NRXN3: variants seen among roughly 807,000 people sequenced by gnomAD.
NRXN3 encodes the protein neurexin III.
Under a neutral mutation model 137.6 loss-of-function variants are expected in NRXN3, and 32 were observed. The ratio of observed to expected loss-of-function variants is 0.23; its 90% CI spans 0.18 to 0.31. The LOEUF is 0.31. Ranked by LOEUF, NRXN3 falls within the 10% of genes least tolerant of loss-of-function variation. The probability of loss-of-function intolerance (pLI) is 1.00; values close to 1 mark genes in which losing one functional copy is unlikely to be tolerated. For missense variants in NRXN3, 1,574 were observed against 2,062.5 expected (o/e 0.76, Z 4.59); for synonymous variants, 798 against 784.5 (o/e 1.02, Z -0.29).
At chr14:79,183,176 T>C (rs1378390624) in intron 15 of NRXN3, among the ~76,000 whole-genome samples, 3 of 152,226 alleles carry the variant, frequency 2.0e-5, no homozygotes, top group Non-Finnish European at 4.4e-5. Context: ...AACTTTAAAA[T>C]ACATATATTT....
chr14:78,545,245 GTTTCTGA>G (rs1320756283), intron 4 of NRXN3, among the ~76,000 whole-genome samples: 1 of 152,162 alleles, frequency 6.6e-6, no homozygotes, highest in Non-Finnish European at 1.5e-5. Flanking sequence ...TAGGAAGGTG[GTTTCTGA>G]GGGCAAGACC....
At chr14:78,876,794 G>C (rs1045639570) in intron 10 of NRXN3, among the ~76,000 whole-genome samples, 3 of 152,052 alleles carry the variant, frequency 2.0e-5, no homozygotes, top group African/African-American at 7.2e-5. Flanking sequence ...GTTGTTGTGA[G>C]GATTAAATAA....
chr14:78,938,510 G>T lies in NRXN3; in HGVS notation c.2276-18732G>T, dbSNP rs139593546. Among the ~76,000 whole-genome samples the T allele has an allele frequency of 2.4e-3, 362 of 152,284 alleles. 1 individual carries two copies. Among genetic ancestry groups the T allele is most frequent in the African/African-American group, 8.3e-3 (345 of 41,566 alleles). ...TCTGCAAACTCTCCTGACACCATCAGTGCACCAGGAAGGTTGGATAATCCT... is the reference window on the plus strand; with the variant it reads ...TCTGCAAACTCTCCTGACACCATCATTGCACCAGGAAGGTTGGATAATCCT... On this transcript the variant is annotated intron_variant, in intron 10 of 20. Transcript: ENST00000335750.
intron 4 of NRXN3, among the ~76,000 whole-genome samples, chr14:78,333,229 C>T (rs912455959): frequency 8.5e-5 from 13 of 152,130 alleles, no homozygotes; most frequent in African/African-American, 3.1e-4. Flanking sequence ...GACTGGTCAT[C>T]CAGCCAGGTG....
intron 15 of NRXN3, among the ~76,000 whole-genome samples, chr14:79,093,513 G>A (rs1443305569): frequency 6.6e-6 from 1 of 152,198 alleles, no homozygotes; most frequent in African/African-American, 2.4e-5. Context: ...GGATGCTGGG[G>A]TGAGTGATGT....
chr14:78,282,487 A>G (rs1282413313), intron 3 of NRXN3: 1 of 209,476 alleles, frequency 4.8e-6, no homozygotes, highest in African/African-American at 2.3e-5. Flanking sequence ...TAGACCTGGA[A>G]TTTAAATGAA....
At position 79,536,422 on chromosome 14, in the gene NRXN3, A is replaced by AT. The variant is rs35712324; in HGVS notation, c.3444+69030dup. 4.3e-4 allele frequency among the ~76,000 whole-genome samples: 64 copies of AT among 149,934 alleles called. 2 individuals carry two copies. In the South Asian group the frequency reaches 0.012, roughly 27 times the overall value. On this transcript the variant is annotated intron_variant, in intron 16 of 20. Transcript: ENST00000335750. ...ACTCAGATTTACATCTGGTCACAACATTTTTTTTTTAATATTCCCTTTTTT... is the reference window on the plus strand; with the variant it reads ...ACTCAGATTTACATCTGGTCACAACATTTTTTTTTTTAATATTCCCTTTTTT...
At chr14:79,786,995 G>A (rs1333212573) in intron 19 of NRXN3, among the ~76,000 whole-genome samples, 1 of 152,174 alleles carries the variant, frequency 6.6e-6, no homozygotes, top group Non-Finnish European at 1.5e-5. Context: ...TATTTGAAAG[G>A]AGGAGAAGCA....
chr14:79,205,777 C>T (rs191481350), intron 15 of NRXN3, among the ~76,000 whole-genome samples: 9 of 152,288 alleles, frequency 5.9e-5, no homozygotes, highest in Admixed American at 5.9e-4. Flanking sequence ...AGATATATAA[C>T]TTAAGCATGC....
At chr14:79,507,205 A>G (rs1410105342) in intron 16 of NRXN3, among the ~76,000 whole-genome samples, 2 of 152,206 alleles carry the variant, frequency 1.3e-5, no homozygotes, top group Non-Finnish European at 2.9e-5. Context: ...ACACTGAGCT[A>G]TAGGAAGAGA....
At chr14:79,103,389 A>G (rs929465158) in intron 15 of NRXN3, among the ~76,000 whole-genome samples, 4 of 152,144 alleles carry the variant, frequency 2.6e-5, no homozygotes, top group African/African-American at 9.7e-5. Context: ...TGTTTGAGTA[A>G]TGATTTGAGG....
intron 16 of NRXN3, among the ~76,000 whole-genome samples, chr14:79,629,582 G>A (rs1253456250): frequency 6.6e-6 from 1 of 152,116 alleles, no homozygotes; most frequent in Non-Finnish European, 1.5e-5. Context: ...TTAATTAAAG[G>A]CACAAGCTTC....
At chr14:79,777,163 C>T (rs1015228029) in intron 19 of NRXN3, among the ~76,000 whole-genome samples, 3 of 152,104 alleles carry the variant, frequency 2.0e-5, no homozygotes, top group Non-Finnish European at 4.4e-5. Flanking sequence ...TTTTGTTAGC[C>T]TCTTATGAAC....
At chr14:79,215,564 A>G (rs2068357942) in intron 15 of NRXN3, among the ~76,000 whole-genome samples, 1 of 152,162 alleles carries the variant, frequency 6.6e-6, no homozygotes, top group African/African-American at 2.4e-5. Flanking sequence ...AGCAGACAAG[A>G]GAATGAGAGC....
At chr14:79,534,313 C>G (rs1030298172) in intron 16 of NRXN3, among the ~76,000 whole-genome samples, 1 of 152,164 alleles carries the variant, frequency 6.6e-6, no homozygotes, top group Non-Finnish European at 1.5e-5. Flanking sequence ...GTATAAAGAG[C>G]TATCTCTTGT....
At chr14:79,799,749 G>A (rs2099171261) in intron 19 of NRXN3, among the ~76,000 whole-genome samples, 1 of 152,090 alleles carries the variant, frequency 6.6e-6, no homozygotes, top group South Asian at 2.1e-4. Flanking sequence ...TTTCCCACAT[G>A]CTCTCTGCCT....
chr14:79,601,209 AT>A lies in NRXN3; in HGVS notation c.3445-62564del, dbSNP rs377107117. On this transcript the variant is annotated intron_variant, in intron 16 of 20. Coordinates refer to ENST00000335750, the MANE Select transcript of NRXN3 (RefSeq NM_001330195.2). The stretch of plus-strand genomic sequence containing the variant: ...AGGTACACGCCACCACGCCCAACTA[AT>A]TTTTGTATTTTTAGTAGAGACGGGG... Among the ~76,000 whole-genome samples, 150 of 151,160 alleles carry A rather than the reference AT, an allele frequency of 9.9e-4. 1 individual carries two copies. Among genetic ancestry groups the A allele is most frequent in the African/African-American group, 3.4e-3 (141 of 41,230 alleles).
intron 15 of NRXN3, among the ~76,000 whole-genome samples, chr14:79,008,747 C>T (rs2099562306): frequency 6.6e-6 from 1 of 151,792 alleles, no homozygotes; most frequent in Non-Finnish European, 1.5e-5. Context: ...CAACCTCCAC[C>T]CCTTGGGTTA....
intron 15 of NRXN3, among the ~76,000 whole-genome samples, chr14:79,256,130 TTC>T (rs369056834): frequency 6.6e-6 from 1 of 150,640 alleles, no homozygotes; most frequent in Non-Finnish European, 1.5e-5. Context: ...CTGTGTGTCT[TTC>T]TCTCTCTCTC....
Sources: gnomAD v4.1 joint callset for allele counts (sites outside exome capture counted in the v4.1 genomes callset) on GRCh38, gnomAD v4.1.1 for gene constraint, MANE v1.5 for transcripts, NCBI Gene and HGNC (gene_info 2026-07-23, HGNC 2026-07-21) for gene names.